ATP10D: variants seen among roughly 807,000 people sequenced by gnomAD.
ATP10D encodes the protein ATPase phospholipid transporting 10D (putative).
In ATP10D, 89 loss-of-function variants were observed where a neutral mutation model predicts 144.8. The observed-to-expected ratio is 0.61, with a 90% CI of 0.52 to 0.73. The LOEUF (loss-of-function observed/expected upper bound fraction) is 0.73. Among genes scored for constraint, ATP10D ranks in the 30% least tolerant of loss-of-function variants. The probability of loss-of-function intolerance (pLI) is 0.00; values close to 1 mark genes in which losing one functional copy is unlikely to be tolerated. For synonymous variants in ATP10D, 571 were observed against 615.1 expected (o/e 0.93, Z 1.06); for missense variants, 1,603 against 1,714.8 (o/e 0.93, Z 1.15).
At chr4:47,571,986 A>G (rs1719975969) in intron 16 of ATP10D, among the ~76,000 whole-genome samples, 168 bp from the exon 17 acceptor site, 1 of 152,222 alleles carries the variant, frequency 6.6e-6, no homozygotes, top group African/African-American at 2.4e-5. Context: ...TCCTGATGGC[A>G]GTGGGATGCC....
At chr4:47,517,375 C>T (rs765338351) in intron 3 of ATP10D, among the ~76,000 whole-genome samples, 67 of 150,794 alleles carry the variant, frequency 4.4e-4, no homozygotes, top group Admixed American at 1.6e-3. Context: ...AACATTTGGC[C>T]ACTACACTCC....
Position 47,591,381 on chromosome 4 carries a change from G to A in ATP10D, c.4281G>A (p.Ter1427=). The A allele has an allele frequency of 1.9e-6, 3 of 1,583,842 alleles. No individual in the cohort carries two copies. The highest frequency in any genetic ancestry group is 2.6e-6 in the Non-Finnish European group (3 of 1,164,574). Residue 1427 remains the stop codon, a stop_retained_variant, in exon 23 of 23, where the codon TAG becomes TAA. Coordinates refer to ENST00000273859, the MANE Select transcript of ATP10D (RefSeq NM_020453.4). ...MAGPSKGKES[*] ...GACCCTCCAAAGGTAAAGAAAGCTA[G>A]ATACCCTCCTTGGAGTTGCAAGTAT...
intron 5 of ATP10D, among the ~76,000 whole-genome samples, chr4:47,532,502 T>A (rs775694077): frequency 2.0e-5 from 3 of 152,232 alleles, no homozygotes; most frequent in Non-Finnish European, 4.4e-5. Context: ...ACTCTATTCA[T>A]GTCCATCCTG....
chr4:47,543,524 A>C (rs1260230713), intron 9 of ATP10D, among the ~76,000 whole-genome samples: 1 of 152,186 alleles, frequency 6.6e-6, no homozygotes, highest in Non-Finnish European at 1.5e-5. Flanking sequence ...CAGTTATAAC[A>C]AGCAAAAGTA....
intron 19 of ATP10D, 129 bp downstream of exon 19, chr4:47,577,102 C>T (rs762862900): frequency 2.1e-5 from 17 of 805,086 alleles, no homozygotes; most frequent in Middle Eastern, 2.5e-4. Flanking sequence ...TAAAAGATCT[C>T]TACTTATGTG....
At chr4:47,539,467 AC>A (rs1186018631) in intron 9 of ATP10D, among the ~76,000 whole-genome samples, 1 of 152,152 alleles carries the variant, frequency 6.6e-6, no homozygotes, top group African/African-American at 2.4e-5. Context: ...ATTTTAATGC[AC>A]TTTTGGGGTC....
intron 1 of ATP10D, chr4:47,491,392 C>T: frequency 2.7e-6 from 2 of 729,440 alleles, no homozygotes; most frequent in Non-Finnish European, 2.5e-6. Context: ...AAAGGAACAA[C>T]TCCATGTTTT....
At chr4:47,573,894 T>C (rs1720096208) in intron 18 of ATP10D, among the ~76,000 whole-genome samples, 1 of 152,188 alleles carries the variant, frequency 6.6e-6, no homozygotes, top group Non-Finnish European at 1.5e-5. Flanking sequence ...ATTTTTTTTT[T>C]TCCTATAGCA....
Position 47,587,043 on chromosome 4 carries a change from A to T in ATP10D, c.3778A>T (p.Ile1260Phe), listed in dbSNP as rs1359813790. The change falls in exon 22 of 23, where the codon ATT (isoleucine) becomes TTT (phenylalanine). Residue 1260 changes from isoleucine to phenylalanine, a missense_variant. Coordinates refer to ENST00000273859, the MANE Select transcript of ATP10D (RefSeq NM_020453.4). ...SLTWIHLLVI[I>F]GSILSYFLFA... The stretch of plus-strand genomic sequence containing the variant: ...GACTTGGATTCACTTGCTGGTCATC[A>T]TTGGTAGCATCTTGTCTTATTTTTT... 1 of 1,613,802 alleles carries T rather than the reference A, an allele frequency of 6.2e-7. No individual in the cohort carries two copies. The highest frequency in any genetic ancestry group is 1.7e-5 in the Admixed American group (1 of 59,992).
intron 1 of ATP10D, among the ~76,000 whole-genome samples, chr4:47,510,231 TCA>T (rs1261779865): frequency 6.6e-6 from 1 of 152,070 alleles, no homozygotes; most frequent in Non-Finnish European, 1.5e-5. Context: ...GATCCAAGGG[TCA>T]CTTTTCAGGA....
intron 21 of ATP10D, among the ~76,000 whole-genome samples, chr4:47,585,933 T>C (rs1720767002): frequency 6.6e-6 from 1 of 152,236 alleles, no homozygotes; most frequent in South Asian, 2.1e-4. Flanking sequence ...CCTTGGCTAT[T>C]GTAAACAGTG....
At chr4:47,550,574 A>G (rs1365119877) in intron 10 of ATP10D, among the ~76,000 whole-genome samples, 1 of 152,172 alleles carries the variant, frequency 6.6e-6, no homozygotes, top group Non-Finnish European at 1.5e-5. Flanking sequence ...AGATGGTGGC[A>G]AGCCTCGTGT....
chr4:47,485,976 A>G (rs752603436), intron 1 of ATP10D, among the ~76,000 whole-genome samples: 15 of 152,268 alleles, frequency 9.9e-5, no homozygotes, highest in South Asian at 4.1e-4. Flanking sequence ...TGAAAAGGGA[A>G]GGTGTTGAAG....
intron 10 of ATP10D, chr4:47,547,200 A>C: frequency 3.5e-6 from 1 of 286,534 alleles, no homozygotes. Context: ...AAAGCTTACC[A>C]GAGTTATCTC....
intron 18 of ATP10D, among the ~76,000 whole-genome samples, chr4:47,575,954 C>T (rs1030286943): frequency 1.2e-4 from 12 of 96,686 alleles, no homozygotes; most frequent in African/African-American, 4.3e-4. Flanking sequence ...TTTTTTGAGA[C>T]GGAGTCTCGC....
chr4:47,548,790 A>G (rs532715621), intron 10 of ATP10D, among the ~76,000 whole-genome samples: 13 of 152,350 alleles, frequency 8.5e-5, no homozygotes, highest in African/African-American at 3.1e-4. Context: ...ATTATTTCTC[A>G]ATCTTGGTCT....
intron 20 of ATP10D, among the ~76,000 whole-genome samples, chr4:47,581,492 A>C (rs1195347122): frequency 6.6e-6 from 1 of 152,208 alleles, no homozygotes; most frequent in Non-Finnish European, 1.5e-5. Context: ...GAGAAATATA[A>C]ACAAGGCAAT....
At chr4:47,512,427 A>T (rs1716384341) in intron 1 of ATP10D, 77 bp from the exon 2 acceptor site, 1 of 954,010 alleles carries the variant, frequency 1.0e-6, no homozygotes, top group African/African-American at 1.7e-5. Flanking sequence ...TATTTGGTAT[A>T]GAAAAAATAT....
intron 1 of ATP10D, among the ~76,000 whole-genome samples, chr4:47,490,294 C>A (rs1214206243): frequency 9.2e-5 from 14 of 152,142 alleles, no homozygotes; most frequent in African/African-American, 3.4e-4. Flanking sequence ...TCTGTGATGT[C>A]CTTTAGCTAG....
Sources: allele counts gnomAD v4.1 joint callset (sites outside exome capture counted in the v4.1 genomes callset), GRCh38; gene constraint gnomAD v4.1.1; transcripts MANE v1.5; gene names NCBI Gene and HGNC (gene_info 2026-07-23, HGNC 2026-07-21).